The following WDR35 variants were observed in gnomAD, a reference collection of about 807,000 sequenced individuals.
WDR35 encodes the protein WD repeat domain 35, also known as WD repeat-containing protein 35.
A neutral mutation model predicts 158.3 loss-of-function variants in WDR35; 118 were observed. The ratio of observed to expected loss-of-function variants is 0.75; its 90% confidence interval spans 0.64 to 0.87. The LOEUF (loss-of-function observed/expected upper bound fraction) is 0.87, where lower values mean the gene tolerates loss of function less well. WDR35 is among the 40% of genes least tolerant of loss of function. The pLI is 0.00. For synonymous variants in WDR35, 448 were observed against 476.1 expected (o/e 0.94, Z 0.77); for missense variants, 1,263 against 1,405.8 (o/e 0.90, Z 1.62).
chr2:19,937,428 C>A (rs1237523442), intron 19 of WDR35, among the ~76,000 whole-genome samples: 7 of 151,712 alleles, frequency 4.6e-5, no homozygotes. Flanking sequence ...AAAGAAAGAA[C>A]TGGAATAATG....
intron 25 of WDR35, among the ~76,000 whole-genome samples, chr2:19,924,633 C>T (rs912837057): frequency 3.9e-5 from 6 of 152,176 alleles, no homozygotes; most frequent in Non-Finnish European, 5.9e-5. Context: ...TTTGACAATG[C>T]TAATCCTGAC....
chr2:19,981,434 G>A (rs569718949), intron 3 of WDR35, among the ~76,000 whole-genome samples: 3 of 152,156 alleles, frequency 2.0e-5, no homozygotes, highest in African/African-American at 7.2e-5. Flanking sequence ...TCCAAATAAT[G>A]TCCTTTATAG....
intron 4 of WDR35, 122 bp from the exon 5 acceptor site, chr2:19,979,001 C>T: frequency 8.1e-7 from 1 of 1,232,602 alleles, no homozygotes; most frequent in Non-Finnish European, 1.1e-6. Flanking sequence ...TTTTCTACAA[C>T]CTGAGACATT....
chr2:19,985,618 T>A, intron 2 of WDR35, among the ~76,000 whole-genome samples: 1 of 146,258 alleles, frequency 6.8e-6, no homozygotes, highest in African/African-American at 2.5e-5. Flanking sequence ...GCGCAGTGGC[T>A]CACGCCTGTA....
chr2:19,979,914 A>C (rs1265605964), intron 4 of WDR35, among the ~76,000 whole-genome samples: 1 of 152,122 alleles, frequency 6.6e-6, no homozygotes, highest in African/African-American at 2.4e-5. Flanking sequence ...AGCACACATG[A>C]ACTAAGGCAC....
chr2:19,986,349 T>C (rs1672565008), intron 2 of WDR35, among the ~76,000 whole-genome samples: 1 of 152,084 alleles, frequency 6.6e-6, no homozygotes, highest in African/African-American at 2.4e-5. Context: ...ATACCACAGA[T>C]GGCATTTAAG....
At chr2:19,988,405 T>C (rs891758709) in intron 2 of WDR35, among the ~76,000 whole-genome samples, 1 of 152,250 alleles carries the variant, frequency 6.6e-6, no homozygotes, top group African/African-American at 2.4e-5. Flanking sequence ...GGGTAGAGCA[T>C]GAAATCCATC....
intron 25 of WDR35, among the ~76,000 whole-genome samples, chr2:19,925,252 C>T (rs1479863597): frequency 6.6e-6 from 1 of 152,204 alleles, no homozygotes; most frequent in East Asian, 1.9e-4. Flanking sequence ...GTCATGGATT[C>T]AGAATACAAT....
At chr2:19,954,192 G>C (rs1558342819) in intron 11 of WDR35, among the ~76,000 whole-genome samples, 1 of 152,138 alleles carries the variant, frequency 6.6e-6, no homozygotes, top group Non-Finnish European at 1.5e-5. Flanking sequence ...ATAAATCAGA[G>C]ACTCAAATGC....
chr2:19,932,496 T>C (rs2103398620), intron 22 of WDR35, 49 bp from the exon 23 acceptor site: 1 of 1,608,498 alleles, frequency 6.2e-7, no homozygotes, highest in Non-Finnish European at 8.5e-7. Flanking sequence ...TACAGTCACA[T>C]ATATCATAAA....
rs532222484 is a variant in WDR35 at position 19,919,142 on chromosome 2, A to T, written c.3122-4865T>A. Among the ~76,000 whole-genome samples, 205 of 152,290 alleles carry T rather than the reference A, an allele frequency of 1.3e-3. 2 individuals carry two copies. Among genetic ancestry groups the T allele is most frequent in the African/African-American group, 4.8e-3 (200 of 41,560 alleles). On this transcript the variant is annotated intron_variant, in intron 25 of 26. Transcript: ENST00000281405. ...ACGCCTGTAATTCCAGCACTTTCGG[A>T]GGCCAAGGCGGGTGGGTCACGAGGT...
rs76304050 is a variant in WDR35, at chr2:19,971,211, T to C, written c.883-1606A>G. Reference sequence around the variant, plus strand: ...TTTCAATGAACTTTACTGGTATCCCTTGTTCTAAGCAGATACCCTCTAGGG... The same window carrying C: ...TTTCAATGAACTTTACTGGTATCCCCTGTTCTAAGCAGATACCCTCTAGGG... On this transcript the variant is annotated intron_variant, in intron 8 of 26. Transcript: ENST00000281405. 0.016 allele frequency among the ~76,000 whole-genome samples: 2,501 copies of C among 152,322 alleles called. 133 individuals are homozygous for C. In the East Asian group the frequency reaches 0.17, roughly 10 times the overall value.
In WDR35 at chr2:19,960,563, T is replaced by G. The variant is rs1256294221; in HGVS notation, c.1246A>C (p.Ile416Leu). ...ATCAACATTTCCTTACCAATATCAATGTATTTGGGATCCAAGGGTGTACCA... is the reference window on the plus strand; with the variant it reads ...ATCAACATTTCCTTACCAATATCAAGGTATTTGGGATCCAAGGGTGTACCA... ...SIGTPLDPKY[I>L]DIVPLFVAMT... Residue 416 changes from isoleucine to leucine, a missense_variant, in exon 11 of 27, where the codon ATT becomes CTT. Physicochemically the swap from Ile to Leu is conservative, Grantham distance 5. Transcript: ENST00000281405. 3 of 1,607,804 alleles carry G rather than the reference T, an allele frequency of 1.9e-6. No homozygotes were observed. The highest frequency in any genetic ancestry group is 2.6e-6 in the Non-Finnish European group (3 of 1,175,370).
Position 19,945,990 on chromosome 2 carries a change from A to T in WDR35, c.1641T>A (p.Leu547=). ...GAACTCCTGAGATGTCTATGATAGC[A>T]AGACGGCTAAAAACAATGCAATTAG... The part of the protein sequence containing the change: ...QLSLNCNSSR[L]AIIDISGVLT... Residue 547 remains leucine (L), a synonymous_variant, in exon 16 of 27, where the codon CTT becomes CTA. Transcript: ENST00000281405. 1 of 1,613,808 alleles carries T rather than the reference A, an allele frequency of 6.2e-7. No homozygotes were observed.
chr2:19,977,839 A>G (rs973116627), intron 5 of WDR35, among the ~76,000 whole-genome samples: 2 of 152,138 alleles, frequency 1.3e-5, no homozygotes, highest in African/African-American at 4.8e-5. Flanking sequence ...ACTTTTTTCA[A>G]TGGCCCAAAC....
chr2:19,940,897 G>A (rs1054694695), intron 17 of WDR35, among the ~76,000 whole-genome samples: 4 of 152,150 alleles, frequency 2.6e-5, no homozygotes, highest in Non-Finnish European at 5.9e-5. Context: ...CATTCCTGGT[G>A]TCCCTATGGT....
chr2:19,928,124 T>C (rs1670413738), intron 25 of WDR35, among the ~76,000 whole-genome samples: 1 of 152,190 alleles, frequency 6.6e-6, no homozygotes, highest in Non-Finnish European at 1.5e-5. Flanking sequence ...GGTTGTGGTT[T>C]ACTGGAATGA....
At chr2:19,940,232 C>T (rs1342185123) in intron 17 of WDR35, among the ~76,000 whole-genome samples, 1 of 149,944 alleles carries the variant, frequency 6.7e-6, no homozygotes, top group Non-Finnish European at 1.5e-5. Context: ...CCAAGCATGG[C>T]GGCCTGTGCC....
chr2:19,946,603 C>A (rs373638512), intron 14 of WDR35, 33 bp from the exon 15 acceptor site: 5 of 1,561,678 alleles, frequency 3.2e-6, no homozygotes, highest in South Asian at 1.1e-5. Flanking sequence ...CTTAAGCATA[C>A]GTGTATCATA....
Sources: allele counts gnomAD v4.1 joint callset (sites outside exome capture counted in the v4.1 genomes callset), GRCh38; gene constraint gnomAD v4.1.1; transcripts MANE v1.5; gene names NCBI Gene and HGNC (gene_info 2026-07-23, HGNC 2026-07-21).